ERC1: variants seen among roughly 807,000 people sequenced by gnomAD.
ERC1 encodes RAB6 interacting protein 2.
A neutral mutation model predicts 132.0 loss-of-function variants in ERC1; 56 were observed. The observed-to-expected ratio is 0.42, with a 90% CI of 0.34 to 0.53. ERC1 has a LOEUF of 0.53. Among genes scored for constraint, ERC1 ranks in the 20% least tolerant of loss-of-function variants. The probability of loss-of-function intolerance (pLI) is 0.03; values close to 1 mark genes in which losing one functional copy is unlikely to be tolerated. For synonymous variants in ERC1, 478 were observed against 476.1 expected (o/e 1.00, Z -0.05); for missense variants, 1,202 against 1,349.9 (o/e 0.89, Z 1.72).
At chr12:995,734 T>C (rs553386303) in intron 1 of ERC1, among the ~76,000 whole-genome samples, 1 of 152,274 alleles carries the variant, frequency 6.6e-6, no homozygotes, top group African/African-American at 2.4e-5. Flanking sequence ...ATGGTTCTTC[T>C]AGGTACCTTT....
chr12:1,216,221 T>C (rs1210127622), intron 12 of ERC1, among the ~76,000 whole-genome samples: 1 of 152,194 alleles, frequency 6.6e-6, no homozygotes, highest in Non-Finnish European at 1.5e-5. Context: ...CGATTAATAG[T>C]ATTCTACCCA....
chr12:1,039,353 T>TAA (rs201168640), intron 2 of ERC1, among the ~76,000 whole-genome samples: 16 of 129,778 alleles, frequency 1.2e-4, no homozygotes, highest in African/African-American at 4.7e-4. Context: ...AAAAAAAAAA[T>TAA]AAAAATAAAT....
At chr12:1,292,489 A>G (rs570127423) in intron 15 of ERC1, among the ~76,000 whole-genome samples, 26 of 152,350 alleles carry the variant, frequency 1.7e-4, no homozygotes, top group Non-Finnish European at 3.4e-4. Flanking sequence ...CTAGACAGAC[A>G]TGTTTAGAAG....
chr12:1,318,196 A>G (rs2081896973), intron 15 of ERC1, among the ~76,000 whole-genome samples: 1 of 152,184 alleles, frequency 6.6e-6, no homozygotes, highest in African/African-American at 2.4e-5. Flanking sequence ...TGCCCTTCAC[A>G]AAAACTAAAT....
intron 6 of ERC1, among the ~76,000 whole-genome samples, chr12:1,113,093 G>T (rs7310001): frequency 6.6e-6 from 1 of 151,780 alleles, no homozygotes; most frequent in Non-Finnish European, 1.5e-5. Context: ...ATTGTATTAC[G>T]TATTACAAGT....
At chr12:1,146,308 GTTTTTT>G (rs1172108036) in intron 8 of ERC1, among the ~76,000 whole-genome samples, 16 of 31,798 alleles carry the variant, frequency 5.0e-4, no homozygotes, top group African/African-American at 1.0e-3. Context: ...TATTTTACTG[GTTTTTT>G]TTTTTTTTTT....
intron 9 of ERC1, 100 bp downstream of exon 9, chr12:1,180,777 A>T (rs1457000499): frequency 8.5e-6 from 12 of 1,411,222 alleles, no homozygotes; most frequent in Non-Finnish European, 1.2e-5. Context: ...GCACAAGGGA[A>T]AAGAGCTGCT....
At chr12:1,103,453 A>T (rs926860462) in intron 3 of ERC1, among the ~76,000 whole-genome samples, 13 of 152,224 alleles carry the variant, frequency 8.5e-5, no homozygotes, top group African/African-American at 2.9e-4. Context: ...TGCTCCATTA[A>T]GAAAACACTG....
intron 16 of ERC1, among the ~76,000 whole-genome samples, chr12:1,395,075 A>G (rs2090416971): frequency 6.6e-6 from 1 of 152,224 alleles, no homozygotes; most frequent in Non-Finnish European, 1.5e-5. Context: ...GGGAGAAATG[A>G]TCCTATGACA....
rs534682114 is a variant in ERC1, at chr12:1,289,698, T to TAC, written c.2620-146_2620-145dup. On this transcript the variant is annotated intron_variant, in intron 14 of 18. Coordinates refer to ENST00000360905, the MANE Select transcript of ERC1 (RefSeq NM_178040.4). Reference sequence around the variant, plus strand: ...ATCTGCTATATTGATTCTTGATATATACACACACATAACTGATCCAGAAAG... The same window carrying TAC: ...ATCTGCTATATTGATTCTTGATATATACACACACACATAACTGATCCAGAAAG... 2.2e-3 allele frequency among the ~76,000 whole-genome samples: 334 copies of TAC among 152,322 alleles called. 2 individuals are homozygous for TAC. Among genetic ancestry groups the TAC allele is most frequent in the African/African-American group, 7.6e-3 (315 of 41,570 alleles).
In ERC1 at chr12:1,494,795, G is replaced by T. The variant is rs2094346090; in HGVS notation, c.*4565G>T. ...GAGATTATTAAAAGATTAAAACGTA[G>T]TTGTAGAAATGAAAAATTAAACAGC... is the stretch of plus-strand genomic sequence containing the variant. On this transcript the variant is annotated 3_prime_UTR_variant, in exon 19 of 19. Transcript: ENST00000360905. The T allele has an allele frequency of 4.3e-6, 1 of 230,104 alleles. No homozygotes were observed. The highest frequency in any genetic ancestry group is 1.8e-4 in the South Asian group (1 of 5,510). 14.3% of individuals were successfully genotyped at this position (230,104 alleles called of 1,614,324 possible). A position where few individuals can be genotyped will look rare whatever the true frequency, so the allele number is the denominator to read the frequency against.
chr12:1,249,158 A>G (rs900500918), intron 13 of ERC1, among the ~76,000 whole-genome samples: 2 of 152,064 alleles, frequency 1.3e-5, no homozygotes, highest in Non-Finnish European at 2.9e-5. Flanking sequence ...TCCAAAATGC[A>G]TGGATTATAC....
chr12:1,357,464 A>G (rs893733464), intron 15 of ERC1, among the ~76,000 whole-genome samples: 1 of 152,224 alleles, frequency 6.6e-6, no homozygotes, highest in Non-Finnish European at 1.5e-5. Flanking sequence ...AATTCTTAAA[A>G]CAGACATCTA....
chr12:1,170,757 T>A (rs1424534273), intron 8 of ERC1, among the ~76,000 whole-genome samples: 3 of 152,214 alleles, frequency 2.0e-5, no homozygotes, highest in African/African-American at 7.2e-5. Context: ...CCTAGTTCCA[T>A]GATCTGTACC....
At chr12:1,077,091 A>T (rs529877944) in intron 2 of ERC1, among the ~76,000 whole-genome samples, 1 of 152,214 alleles carries the variant, frequency 6.6e-6, no homozygotes, top group Non-Finnish European at 1.5e-5. Context: ...TCAGAAAAAA[A>T]TGTTCTTAAT....
rs2092839827 is a variant in ERC1 at position 1,432,959 on chromosome 12, C to T, written c.3025-11603C>T. ...TACCCAGTCATTAACGTGATGTCAC[C>T]AGCCAACCGCCTGCATCCTCCTGGC... is the stretch of plus-strand genomic sequence containing the variant. On this transcript the variant is annotated intron_variant, in intron 17 of 18. Coordinates refer to ENST00000360905, the MANE Select transcript of ERC1 (RefSeq NM_178040.4). Among the ~76,000 whole-genome samples, 3 of 152,348 alleles carry T rather than the reference C, an allele frequency of 2.0e-5. No homozygotes were observed. In the South Asian group the frequency reaches 6.2e-4, roughly 32 times the overall value.
intron 7 of ERC1, among the ~76,000 whole-genome samples, chr12:1,133,345 T>C (rs1332715457): frequency 6.6e-6 from 1 of 152,206 alleles, no homozygotes; most frequent in Admixed American, 6.5e-5. Context: ...TTGACCTCCT[T>C]AACTGTGTAG....
Position 1,394,041 on chromosome 12 carries a change from AAAACCACAAAG to A in ERC1, c.2926-14107_2926-14097del, listed in dbSNP as rs1566757967. On this transcript the variant is annotated intron_variant, in intron 16 of 18. Transcript: ENST00000360905. ...AAAAAAAAAAAAAAAAAACAAAAAA[AAAACCACAAAG>A]CATTAAGCAATTTAATTTCTGTATA... Among the ~76,000 whole-genome samples, 8 of 78,946 alleles carry A rather than the reference AAAACCACAAAG, an allele frequency of 1.0e-4. 1 individual carries two copies. The South Asian group carries it at 1.9e-3, about 19-fold the overall frequency. The allele number at this position is 78,946 out of a possible 152,430, so 51.8% of individuals were successfully genotyped here. A position where few individuals can be genotyped will look rare whatever the true frequency, so the allele number is the denominator to read the frequency against.
chr12:1,479,768 C>T (rs1476792749), intron 18 of ERC1, among the ~76,000 whole-genome samples: 2 of 152,088 alleles, frequency 1.3e-5, no homozygotes, highest in Non-Finnish European at 2.9e-5. Context: ...TGTGGGTGCT[C>T]CTGAGGCGTG....
Sources: allele counts gnomAD v4.1 joint callset (sites outside exome capture counted in the v4.1 genomes callset), GRCh38; gene constraint gnomAD v4.1.1; transcripts MANE v1.5; gene names NCBI Gene and HGNC (gene_info 2026-07-23, HGNC 2026-07-21).